Variants in CAP1 observed in about 807,000 individuals in gnomAD.
CAP1 encodes cyclase associated actin cytoskeleton regulatory protein 1.
In CAP1, 11 loss-of-function variants were observed where a neutral mutation model predicts 58.2. That is an observed-to-expected ratio of 0.19 (90% CI 0.12 to 0.31). The LOEUF is 0.31. CAP1 is among the 10% of genes least tolerant of loss of function. The pLI is 1.00. For missense variants in CAP1, 423 were observed against 587.5 expected (o/e 0.72, Z 2.89); for synonymous variants, 183 against 213.8 (o/e 0.86, Z 1.26).
chr1:40,042,852 T>C (rs1461265875), intron 1 of CAP1, among the ~76,000 whole-genome samples: 2 of 151,938 alleles, frequency 1.3e-5, no homozygotes, highest in Admixed American at 6.6e-5. Context: ...ATAGAATCCA[T>C]AGAATTGGAG....
At chr1:40,055,848 C>T (rs746445112) in intron 1 of CAP1, among the ~76,000 whole-genome samples, 2 of 152,040 alleles carry the variant, frequency 1.3e-5, no homozygotes, top group Non-Finnish European at 2.9e-5. Flanking sequence ...AGGCAAGAGG[C>T]ATCTATTCAT....
At chr1:40,066,007 C>G (rs1647051863) in intron 6 of CAP1, among the ~76,000 whole-genome samples, 1 of 152,120 alleles carries the variant, frequency 6.6e-6, no homozygotes, top group Non-Finnish European at 1.5e-5. Flanking sequence ...AATCCAGAGT[C>G]TCTATCTTAG....
At position 40,067,723 on chromosome 1, in the gene CAP1, T is replaced by C. The variant is rs1372316618; in HGVS notation, c.808+6T>C. 1.9e-6 allele frequency: 3 copies of C among 1,592,458 alleles called. No individual in the cohort carries two copies. The highest frequency in any genetic ancestry group is 1.7e-6 in the Non-Finnish European group (2 of 1,169,674). ...GGGGGAGAGCATTACACATGGTGAG[T>C]GAGCACTTGGACACGAACAGTAGGT... is the stretch of plus-strand genomic sequence containing the variant. On this transcript the variant is annotated splice_donor_region_variant and intron_variant, in intron 8 of 12. Transcript: ENST00000372805.
chr1:40,049,122 T>C (rs1033776134), intron 1 of CAP1, among the ~76,000 whole-genome samples: 5 of 151,506 alleles, frequency 3.3e-5, no homozygotes, highest in Non-Finnish European at 5.9e-5. Flanking sequence ...TTGGGTTAAG[T>C]TGTTAGAAGT....
chr1:40,043,962 G>A (rs1002908278), intron 1 of CAP1, among the ~76,000 whole-genome samples: 1 of 152,174 alleles, frequency 6.6e-6, no homozygotes, highest in Non-Finnish European at 1.5e-5. Flanking sequence ...TCTCAGAGAA[G>A]TTTAAATAAA....
chr1:40,068,626 A>G (rs896030129), intron 8 of CAP1, among the ~76,000 whole-genome samples: 4 of 151,586 alleles, frequency 2.6e-5, no homozygotes, highest in African/African-American at 9.7e-5. Context: ...ACAGTGAACC[A>G]TGTAATGTTT....
chr1:40,050,098 G>A (rs1370254865), intron 1 of CAP1, among the ~76,000 whole-genome samples: 2 of 152,108 alleles, frequency 1.3e-5, no homozygotes, highest in East Asian at 1.9e-4. Context: ...AGGTGTTTGA[G>A]CAGAGGCTGC....
At chr1:40,061,635 G>A (rs867857446) in intron 3 of CAP1, 100 bp from the exon 4 acceptor site, 25 of 929,060 alleles carry the variant, frequency 2.7e-5, no homozygotes, top group Non-Finnish European at 3.7e-5. Flanking sequence ...AAGTGCCTGG[G>A]TTGCTATCAG....
intron 4 of CAP1, 124 bp downstream of exon 4, chr1:40,061,936 C>A: frequency 1.3e-6 from 1 of 752,580 alleles, no homozygotes; most frequent in Non-Finnish European, 2.3e-6. Flanking sequence ...ATGTTCATAC[C>A]AAGTCCCAGA....
chr1:40,060,293 A>G (rs1306693582), intron 3 of CAP1, 123 bp downstream of exon 3: 15 of 643,728 alleles, frequency 2.3e-5, no homozygotes, highest in Non-Finnish European at 3.3e-5. Context: ...GGCATTACAC[A>G]TGTTCTTTCT....
At chr1:40,059,769 A>G (rs1375593341) in intron 2 of CAP1, among the ~76,000 whole-genome samples, 1 of 152,248 alleles carries the variant, frequency 6.6e-6, no homozygotes, top group Admixed American at 6.5e-5. Flanking sequence ...CAAATTGGAC[A>G]TTTTGCACAT....
chr1:40,061,449 G>A lies in CAP1; in HGVS notation c.217-286G>A, dbSNP rs113342306. Reference sequence around the variant, plus strand: ...AAATAGGAAGGATTTTTCAGTGCACGGTATCACAATGCATGTGTAAGATGC... The same window carrying A: ...AAATAGGAAGGATTTTTCAGTGCACAGTATCACAATGCATGTGTAAGATGC... On this transcript the variant is annotated intron_variant, in intron 3 of 12. Coordinates refer to ENST00000372805, the MANE Select transcript of CAP1 (RefSeq NM_006367.4). 1.1e-3 allele frequency among the ~76,000 whole-genome samples: 161 copies of A among 152,270 alleles called. 2 individuals carry two copies. The highest frequency in any genetic ancestry group is 3.4e-3 in the African/African-American group (141 of 41,552).
chr1:40,064,236 T>C lies in CAP1; in HGVS notation c.304T>C (p.Ser102Pro). The part of the protein sequence containing the change: ...QCQQPAENKL[S>P]DLLAPISEQI... ...TTGTATCTTTTCCTAGAATAAGCTT[T>C]CCGATTTGTTGGCACCCATCTCAGA... Residue 102 changes from serine to proline, a missense_variant, in exon 5 of 13, where the codon TCC becomes CCC. Transcript: ENST00000372805. 6.2e-7 allele frequency: 1 copy of C among 1,614,152 alleles called. No individual in the cohort carries two copies. Among genetic ancestry groups the C allele is most frequent in the Non-Finnish European group, 8.5e-7 (1 of 1,180,004 alleles).
At chr1:40,054,097 C>T (rs567613368) in intron 1 of CAP1, among the ~76,000 whole-genome samples, 2 of 150,002 alleles carry the variant, frequency 1.3e-5, no homozygotes, top group African/African-American at 4.9e-5. Context: ...TCCATGGATT[C>T]GATAGAGAAG....
At chr1:40,051,274 C>T (rs1458710681) in intron 1 of CAP1, among the ~76,000 whole-genome samples, 1 of 152,150 alleles carries the variant, frequency 6.6e-6, no homozygotes, top group Non-Finnish European at 1.5e-5. Flanking sequence ...TATAGGCTGG[C>T]TGTCATGGTT....
chr1:40,055,690 G>A (rs569932067), intron 1 of CAP1, among the ~76,000 whole-genome samples: 81 of 152,182 alleles, frequency 5.3e-4, no homozygotes, highest in African/African-American at 1.9e-3. Flanking sequence ...AATTATTTTT[G>A]TAGAGACAAG....
intron 10 of CAP1, 70 bp from the exon 11 acceptor site, chr1:40,070,360 T>G (rs1224763453): frequency 6.2e-7 from 1 of 1,605,562 alleles, no homozygotes; most frequent in East Asian, 2.2e-5. Context: ...TACCCTATCC[T>G]TAAAGATTCC....
intron 1 of CAP1, among the ~76,000 whole-genome samples, chr1:40,055,890 A>G (rs1646593808): frequency 6.6e-6 from 1 of 152,146 alleles, no homozygotes; most frequent in Admixed American, 6.5e-5. Flanking sequence ...ATGGATTTTG[A>G]TGACTGATAA....
intron 1 of CAP1, among the ~76,000 whole-genome samples, chr1:40,050,860 A>G (rs935589396): frequency 6.6e-6 from 1 of 152,124 alleles, no homozygotes; most frequent in African/African-American, 2.4e-5. Context: ...ATGGCTTCAC[A>G]TTGATCACAA....
Sources: allele counts gnomAD v4.1 joint callset (sites outside exome capture counted in the v4.1 genomes callset), GRCh38; gene constraint gnomAD v4.1.1; transcripts MANE v1.5; gene names NCBI Gene and HGNC (gene_info 2026-07-23, HGNC 2026-07-21).